WDR27: variants seen among roughly 807,000 people sequenced by gnomAD.
The protein encoded by WDR27 is WD repeat-containing protein 27.
WDR27 carries 100 observed loss-of-function variants against 114.4 expected under a neutral mutation model. The ratio of observed to expected loss-of-function variants is 0.87; its 90% CI spans 0.74 to 1.03. The LOEUF (loss-of-function observed/expected upper bound fraction) is 1.03, where lower values mean the gene tolerates loss of function less well. Among genes scored for constraint, WDR27 ranks in the 50% least tolerant of loss-of-function variants. The pLI is 0.00. For missense variants in WDR27, 1,129 were observed against 1,092.9 expected, an observed-to-expected ratio of 1.03 and a Z score of -0.47; for synonymous variants, 449 against 423.1, an observed-to-expected ratio of 1.06 and a Z score of -0.75.
chr6:169,633,120 G>C, intron 20 of WDR27, 52 bp from the exon 21 acceptor site: 2 of 1,522,036 alleles, frequency 1.3e-6, no homozygotes, highest in Middle Eastern at 1.8e-4. Context: ...CCATGGGGAA[G>C]GGACAGTTCC....
At chr6:169,624,809 C>T (rs568744256) in intron 21 of WDR27, among the ~76,000 whole-genome samples, 12 of 152,198 alleles carry the variant, frequency 7.9e-5, no homozygotes, top group African/African-American at 2.9e-4. Context: ...GCCATGCAAC[C>T]CCATGGGATG....
At chr6:169,445,999 G>A in the WDR27 span, among the ~76,000 whole-genome samples, 1 of 152,246 alleles carries the variant, frequency 6.6e-6, no homozygotes, top group Admixed American at 6.5e-5. Context: ...CCACAATGAG[G>A]TGTGGCACTT....
At chr6:169,698,576 TG>T (rs1446703834) in intron 1 of WDR27, among the ~76,000 whole-genome samples, 1 of 152,218 alleles carries the variant, frequency 6.6e-6, no homozygotes, top group African/African-American at 2.4e-5. Context: ...TCTATTTCTG[TG>T]GTCTGGCAGT....
At chr6:169,700,023 T>C (rs1304006309) in intron 1 of WDR27, among the ~76,000 whole-genome samples, 1 of 152,148 alleles carries the variant, frequency 6.6e-6, no homozygotes. Flanking sequence ...TCCTCCCAGA[T>C]AGCAGAATCA....
intron 25 of WDR27, among the ~76,000 whole-genome samples, chr6:169,566,084 G>T (rs1046772470): frequency 2.3e-5 from 3 of 131,148 alleles, no homozygotes; most frequent in African/African-American, 7.6e-5. Context: ...ATTTTGTAAT[G>T]TATTGTTACT....
chr6:169,432,689 A>T, the WDR27 span, among the ~76,000 whole-genome samples: 1 of 152,156 alleles, frequency 6.6e-6, no homozygotes, highest in African/African-American at 2.4e-5. Context: ...TTTCTTTATA[A>T]ATTACCCTGT....
the WDR27 span, among the ~76,000 whole-genome samples, chr6:169,435,614 T>C: frequency 2.6e-5 from 4 of 152,274 alleles, no homozygotes; most frequent in Non-Finnish European, 5.9e-5. Context: ...CAGACTTGCA[T>C]GGGGCCTTTA....
intron 25 of WDR27, among the ~76,000 whole-genome samples, chr6:169,552,676 A>G (rs1798313137): frequency 6.6e-6 from 1 of 152,226 alleles, no homozygotes; most frequent in Non-Finnish European, 1.5e-5. Context: ...CCTGGAACCT[A>G]ATTTATTGTG....
intron 25 of WDR27, among the ~76,000 whole-genome samples, chr6:169,565,735 T>G (rs1370901254): frequency 6.6e-6 from 1 of 152,218 alleles, no homozygotes; most frequent in East Asian, 1.9e-4. Context: ...AGTGCAGTGG[T>G]CCAATCCTGG....
At chr6:169,654,536 G>A (rs990715197) in intron 13 of WDR27, among the ~76,000 whole-genome samples, 2 of 152,242 alleles carry the variant, frequency 1.3e-5, no homozygotes, top group African/African-American at 2.4e-5. Flanking sequence ...TATCGTCACT[G>A]GTTGCCAGAC....
chr6:169,510,599 G>A (rs1792687426), intron 25 of WDR27, among the ~76,000 whole-genome samples: 1 of 145,654 alleles, frequency 6.9e-6, no homozygotes, highest in African/African-American at 2.6e-5. Context: ...CATGGACACA[G>A]GAAGGGGAAT....
At position 169,475,220 on chromosome 6, in the gene WDR27, T is replaced by A. The variant is rs115343191; in HGVS notation, c.2646-17586A>T. On this transcript the variant is annotated intron_variant, in intron 25 of 25. Transcript: ENST00000448612. ...ATTATCCTATATTTTCTTCTACTTA[T>A]TTATTGATTGATTCATTTTGAAACG... Among the ~76,000 whole-genome samples the A allele has an allele frequency of 4.3e-3, 654 of 152,366 alleles. 4 individuals are homozygous for A. Among genetic ancestry groups the A allele is most frequent in the African/African-American group, 0.015 (632 of 41,586 alleles).
rs1554334494 is a variant in WDR27 at position 169,638,340 on chromosome 6, A to AAAAAAAG, written c.1869+198_1869+199insCTTTTTT. Reference sequence around the variant, plus strand: ...TCCGTCTCAAAAAAAAAAAAAAAAAAAAAAAAAAAAAGAAACTAATCAATA... The same window carrying AAAAAAAG: ...TCCGTCTCAAAAAAAAAAAAAAAAAAAAAAAAGAAAAAAAAAAAGAAACTAATCAATA... On this transcript the variant is annotated intron_variant, in intron 18 of 25. Coordinates refer to ENST00000448612, the MANE Select transcript of WDR27 (RefSeq NM_182552.5). 7.8e-4 allele frequency among the ~76,000 whole-genome samples: 109 copies of AAAAAAAG among 140,144 alleles called. 14 individuals are homozygous for AAAAAAAG. In the East Asian group the frequency reaches 0.01, roughly 13 times the overall value. 91.9% of individuals were successfully genotyped at this position (140,144 alleles called of 152,430 possible). A position where few individuals can be genotyped will look rare whatever the true frequency, so the allele number is the denominator to read the frequency against.
chr6:169,541,553 A>G (rs976916596), intron 25 of WDR27, among the ~76,000 whole-genome samples: 2 of 152,326 alleles, frequency 1.3e-5, no homozygotes, highest in Non-Finnish European at 2.9e-5. Flanking sequence ...AGGCCATAGA[A>G]AAGTAGCTTT....
intron 2 of WDR27, among the ~76,000 whole-genome samples, chr6:169,682,739 C>A (rs1261972621): frequency 6.6e-6 from 1 of 152,192 alleles, no homozygotes; most frequent in Admixed American, 6.5e-5. Context: ...TAAGTTGCGA[C>A]AGACTGACCA....
At chr6:169,679,556 C>T (rs946374669) in intron 2 of WDR27, among the ~76,000 whole-genome samples, 17 of 152,130 alleles carry the variant, frequency 1.1e-4, no homozygotes, top group Non-Finnish European at 1.8e-4. Flanking sequence ...GCTGTCCTCA[C>T]CACAGTGAGT....
chr6:169,578,004 C>G (rs528923528), intron 24 of WDR27, among the ~76,000 whole-genome samples: 7 of 151,242 alleles, frequency 4.6e-5, no homozygotes, highest in Non-Finnish European at 8.8e-5. Flanking sequence ...CCATCCGTCT[C>G]TCTCTCTCCC....
intron 25 of WDR27, among the ~76,000 whole-genome samples, chr6:169,512,588 A>G (rs1179104190): frequency 6.6e-6 from 1 of 152,218 alleles, no homozygotes; most frequent in African/African-American, 2.4e-5. Context: ...AGAGATCATA[A>G]GTCAATCCTA....
chr6:169,507,282 GT>G (rs1792122559), intron 25 of WDR27, among the ~76,000 whole-genome samples: 1 of 152,138 alleles, frequency 6.6e-6, no homozygotes, highest in Non-Finnish European at 1.5e-5. Flanking sequence ...GGAGTTTGAG[GT>G]GGGGAAAGAA....
Sources: gnomAD v4.1 joint callset for allele counts (sites outside exome capture counted in the v4.1 genomes callset) on GRCh38, gnomAD v4.1.1 for gene constraint, MANE v1.5 for transcripts, NCBI Gene and HGNC (gene_info 2026-07-23, HGNC 2026-07-21) for gene names.